The following NPAS3 variants were observed in gnomAD, a reference collection of about 807,000 sequenced individuals.
NPAS3 encodes neuronal PAS domain protein 3.
NPAS3 carries 14 observed loss-of-function variants against 73.1 expected under a neutral mutation model. The observed-to-expected ratio is 0.19, with a 90% CI of 0.13 to 0.30. The LOEUF is 0.30. Among genes scored for constraint, NPAS3 ranks in the 10% least tolerant of loss-of-function variants. The pLI, the probability that NPAS3 is intolerant of heterozygous loss-of-function variation, is 1.00. For synonymous variants in NPAS3, 620 were observed against 541.5 expected (o/e 1.14, Z -2.01); for missense variants, 1,096 against 1,250.0 (o/e 0.88, Z 1.86).
chr14:33,069,365 T>G (rs1274158966), intron 2 of NPAS3, among the ~76,000 whole-genome samples: 1 of 152,210 alleles, frequency 6.6e-6, no homozygotes, highest in Non-Finnish European at 1.5e-5. Context: ...TCAATAACAT[T>G]GCAAGTTCCT....
At chr14:33,793,807 AGGCT>A in intron 9 of NPAS3, 86 bp from the exon 10 acceptor site, 1 of 1,286,456 alleles carries the variant, frequency 7.8e-7, no homozygotes, top group Non-Finnish European at 1.1e-6. Flanking sequence ...TCCCATTTTT[AGGCT>A]TAAGGTTTTG....
intron 5 of NPAS3, among the ~76,000 whole-genome samples, chr14:33,630,157 G>T (rs1461137703): frequency 6.6e-6 from 1 of 152,120 alleles, no homozygotes; most frequent in Non-Finnish European, 1.5e-5. Context: ...GCACCATTTA[G>T]ACCATTACCA....
intron 2 of NPAS3, among the ~76,000 whole-genome samples, chr14:33,172,123 C>T (rs1223153861): frequency 1.2e-4 from 18 of 152,046 alleles, no homozygotes; most frequent in South Asian, 2.1e-4. Context: ...CACCACATAA[C>T]AGATATAATA....
intron 2 of NPAS3, among the ~76,000 whole-genome samples, chr14:33,086,973 T>G (rs779472425): frequency 1.3e-5 from 2 of 151,978 alleles, no homozygotes; most frequent in African/African-American, 4.8e-5. Flanking sequence ...CAGACTGAAG[T>G]TAGATCTAGG....
At chr14:33,761,926 A>G (rs527781646) in intron 7 of NPAS3, among the ~76,000 whole-genome samples, 10 of 152,324 alleles carry the variant, frequency 6.6e-5, no homozygotes, top group South Asian at 2.1e-4. Flanking sequence ...GGCTACAGGT[A>G]GAAGTAAAGC....
At chr14:33,757,366 C>T (rs2062146982) in intron 7 of NPAS3, among the ~76,000 whole-genome samples, 1 of 152,140 alleles carries the variant, frequency 6.6e-6, no homozygotes, top group South Asian at 2.1e-4. Context: ...AGAGGATGGT[C>T]ACTGCTGTTC....
chr14:33,757,113 G>A (rs2062140213), intron 7 of NPAS3, among the ~76,000 whole-genome samples: 1 of 152,190 alleles, frequency 6.6e-6, no homozygotes, highest in Non-Finnish European at 1.5e-5. Context: ...GTCCAGGGAG[G>A]GAAGTCATGG....
At chr14:33,609,894 C>T (rs76327904) in intron 5 of NPAS3, among the ~76,000 whole-genome samples, 1,904 of 152,232 alleles carry the variant, frequency 0.013, 32 homozygotes, top group African/African-American at 0.043. Flanking sequence ...CTGTGGGGGA[C>T]ATTGTTCGAA....
intron 5 of NPAS3, among the ~76,000 whole-genome samples, chr14:33,573,178 A>T (rs565064341): frequency 3.7e-4 from 57 of 152,318 alleles, no homozygotes; most frequent in Non-Finnish European, 7.5e-4. Flanking sequence ...CAAGTAATCA[A>T]TAAAACAGGT....
At chr14:33,587,609 T>C (rs936223317) in intron 5 of NPAS3, among the ~76,000 whole-genome samples, 2 of 152,236 alleles carry the variant, frequency 1.3e-5, no homozygotes, top group African/African-American at 4.8e-5. Context: ...ATTGTTGTTA[T>C]CAGGCCATCA....
chr14:33,680,633 T>G, intron 6 of NPAS3: 1 of 702,758 alleles, frequency 1.4e-6, no homozygotes, highest in Non-Finnish European at 2.6e-6. Context: ...AGTGATCAGT[T>G]TCTTCTGTAG....
intron 1 of NPAS3, among the ~76,000 whole-genome samples, chr14:32,954,137 G>C (rs895378276): frequency 1.3e-5 from 2 of 152,088 alleles, no homozygotes; most frequent in African/African-American, 2.4e-5. Flanking sequence ...AATGATGAAG[G>C]TTCCAAATAT....
Position 33,190,982 on chromosome 14 carries a change from T to C in NPAS3, c.141-24200T>C, listed in dbSNP as rs1256638645. 3.3e-5 allele frequency among the ~76,000 whole-genome samples: 5 copies of C among 152,234 alleles called. No homozygotes were observed. The East Asian group carries it at 5.8e-4, about 18-fold the overall frequency. ...TTATGGATTCCCCCCCACAATTCTT[T>C]ATTGTCTTTCCATAAGTCACATGAT... On this transcript the variant is annotated intron_variant, in intron 2 of 11. Coordinates refer to ENST00000356141, the Ensembl canonical transcript of NPAS3.
At chr14:33,102,468 T>C (rs1261543222) in intron 2 of NPAS3, among the ~76,000 whole-genome samples, 1 of 152,158 alleles carries the variant, frequency 6.6e-6, no homozygotes, top group Admixed American at 6.6e-5. Flanking sequence ...TAGAGGTAGA[T>C]GAAAATAGTA....
At chr14:33,754,928 A>G (rs1958050) in intron 7 of NPAS3, among the ~76,000 whole-genome samples, 36,804 of 152,124 alleles carry the variant, frequency 0.24, 4,958 homozygotes, top group African/African-American at 0.35. Flanking sequence ...AGACGAGACC[A>G]TGGACACAGC....
chr14:33,348,332 G>A (rs913545171), intron 3 of NPAS3, among the ~76,000 whole-genome samples: 1 of 152,154 alleles, frequency 6.6e-6, no homozygotes, highest in Non-Finnish European at 1.5e-5. Context: ...GAGGCAGGGA[G>A]GATGGAACCT....
At chr14:33,273,488 A>T (rs2041191811) in intron 3 of NPAS3, among the ~76,000 whole-genome samples, 1 of 152,178 alleles carries the variant, frequency 6.6e-6, no homozygotes, top group Non-Finnish European at 1.5e-5. Flanking sequence ...GGAAGCTATA[A>T]TATTTATTCC....
Position 32,989,663 on chromosome 14 carries a change from ACAAC to A in NPAS3, c.50+50298_50+50301del, listed in dbSNP as rs937091862. ...GTCTCAAACAACAACAACAACAACA[ACAAC>A]AACAAAACAAAACAAAAAAAACCTT... On this transcript the variant is annotated intron_variant, in intron 1 of 11. Coordinates refer to ENST00000356141, the Ensembl canonical transcript of NPAS3. 2.7e-4 allele frequency among the ~76,000 whole-genome samples: 33 copies of A among 122,222 alleles called. 1 individual carries two copies. The highest frequency in any genetic ancestry group is 9.3e-4 in the African/African-American group (20 of 21,528). 80.2% of individuals were successfully genotyped at this position (122,222 alleles called of 152,430 possible).
At chr14:33,089,809 ACT>A (rs2042163151) in intron 2 of NPAS3, among the ~76,000 whole-genome samples, 1 of 152,134 alleles carries the variant, frequency 6.6e-6, no homozygotes, top group Non-Finnish European at 1.5e-5. Context: ...CTCGGCAGAA[ACT>A]CTACAAGCCA....
Sources: gnomAD v4.1 joint callset for allele counts (sites outside exome capture counted in the v4.1 genomes callset) on GRCh38, gnomAD v4.1.1 for gene constraint, MANE v1.5 for transcripts, NCBI Gene and HGNC (gene_info 2026-07-23, HGNC 2026-07-21) for gene names.